PRPF8: variants seen among roughly 807,000 people sequenced by gnomAD.
PRPF8 encodes the protein pre-mRNA-processing-splicing factor 8.
Under a neutral mutation model 285.9 loss-of-function variants are expected in PRPF8, and 64 were observed. That is an observed-to-expected ratio of 0.22 (90% CI 0.18 to 0.28). The LOEUF is 0.28. Ranked by LOEUF, PRPF8 falls within the 10% of genes least tolerant of loss-of-function variation. PRPF8 has a pLI of 1.00. For synonymous variants in PRPF8, 1,325 were observed against 1,118.2 expected (o/e 1.18, Z -3.69); for missense variants, 1,426 against 3,026.7 (o/e 0.47, Z 12.41).
At chr17:1,670,011 T>C (rs1912217155) in intron 24 of PRPF8, among the ~76,000 whole-genome samples, 2 of 152,182 alleles carry the variant, frequency 1.3e-5, no homozygotes, top group South Asian at 2.1e-4. Context: ...CTCTAAGCTA[T>C]CCCTGACTGC....
Position 1,661,166 on chromosome 17 carries a change from G to A in PRPF8, c.4339-4C>T. On this transcript the variant is annotated splice_polypyrimidine_tract_variant and splice_region_variant and intron_variant, in intron 27 of 42. Transcript: ENST00000304992. This position sits in a 1 kb window ranked among gnomAD's most constrained non-coding sequence, Gnocchi z 7.3. The stretch of plus-strand genomic sequence containing the variant: ...AGAACGGATTCTGCTTCAAAACCTA[G>A]ATGGCAAGGCAGGCACGGTCAAGCT... The A allele has an allele frequency of 1.2e-6, 2 of 1,614,104 alleles. No individual in the cohort carries two copies. Among genetic ancestry groups the A allele is most frequent in the Non-Finnish European group, 1.7e-6 (2 of 1,180,036 alleles).
intron 13 of PRPF8, 133 bp from the exon 14 acceptor site, chr17:1,677,827 A>T: frequency 8.4e-7 from 1 of 1,186,022 alleles, no homozygotes; most frequent in Non-Finnish European, 1.2e-6. Flanking sequence ...AGAGGGGTAA[A>T]AAGAAAAAAA....
rs1201127872 is a variant in PRPF8 at position 1,676,904 on chromosome 17, A to T, written c.2181+72T>A. The T allele has an allele frequency of 7.0e-6, 11 of 1,571,834 alleles. No homozygotes were observed. The South Asian group carries it at 7.8e-5, about 11-fold the overall frequency. On this transcript the variant is annotated intron_variant, in intron 15 of 42. Coordinates refer to ENST00000304992, the MANE Select transcript of PRPF8 (RefSeq NM_006445.4). This position sits in a 1 kb window ranked among gnomAD's most constrained non-coding sequence, Gnocchi z 6.3. ...GAGATTGGAGCCAGATAGCCCCCTA[A>T]TGATTCCCGAAGTGGTAATCCTACC...
Position 1,675,468 on chromosome 17 carries a change from C to A in PRPF8, c.2873-129G>T. ...CACGTATTCATTTGGATTGCTTTGA[C>A]TATGGGCTTTTCCTCAGTTTAACAC... On this transcript the variant is annotated intron_variant, in intron 19 of 42. Coordinates refer to ENST00000304992, the MANE Select transcript of PRPF8 (RefSeq NM_006445.4). The surrounding 1 kb of genome is among the most constrained non-coding windows in gnomAD (Gnocchi z 6.0). The A allele has an allele frequency of 6.9e-7, 1 of 1,452,554 alleles. No homozygotes were observed. Among genetic ancestry groups the A allele is most frequent in the South Asian group, 1.1e-5 (1 of 87,744 alleles). The allele number at this position is 1,452,554 out of a possible 1,614,324, so 90.0% of individuals were successfully genotyped here.
In PRPF8 at chr17:1,679,929, G is replaced by T; in HGVS notation, c.1099-130C>A. On this transcript the variant is annotated intron_variant, in intron 8 of 42. Coordinates refer to ENST00000304992, the MANE Select transcript of PRPF8 (RefSeq NM_006445.4). This position sits in a 1 kb window ranked among gnomAD's most constrained non-coding sequence, Gnocchi z 4.7. ...GAAACTGGGCTGTCTGACAAAAGCAGCCCTGAAGTGCCAGCACAAAGGAAA... is the reference window on the plus strand; with the variant it reads ...GAAACTGGGCTGTCTGACAAAAGCATCCCTGAAGTGCCAGCACAAAGGAAA... 9.4e-7 allele frequency: 1 copy of T among 1,060,212 alleles called. No homozygotes were observed. Among genetic ancestry groups the T allele is most frequent in the Non-Finnish European group, 1.5e-6 (1 of 685,554 alleles). The allele number at this position is 1,060,212 out of a possible 1,614,324, so 65.7% of individuals were successfully genotyped here. A position where few individuals can be genotyped will look rare whatever the true frequency, so the allele number is the denominator to read the frequency against.
chr17:1,673,632 G>A lies in PRPF8; in HGVS notation c.3447-65C>T, dbSNP rs1397984142. ...AGGAACTTCCCTTCAAAGGCCAACT[G>A]ATGACATCCTGACACAGCCACGCCT... On this transcript the variant is annotated intron_variant, in intron 22 of 42. Coordinates refer to ENST00000304992, the MANE Select transcript of PRPF8 (RefSeq NM_006445.4). The surrounding 1 kb of genome is among the most constrained non-coding windows in gnomAD (Gnocchi z 5.5). 2 of 1,611,470 alleles carry A rather than the reference G, an allele frequency of 1.2e-6. No homozygotes were observed. The highest frequency in any genetic ancestry group is 2.7e-5 in the African/African-American group (2 of 74,904).
chr17:1,656,333 C>A, intron 36 of PRPF8, 59 bp downstream of exon 36: 2 of 1,606,316 alleles, frequency 1.2e-6, no homozygotes, highest in East Asian at 4.5e-5. Flanking sequence ...GACACAGGAT[C>A]TTCTCCTAAC....
Position 1,653,426 on chromosome 17 carries a change from T to C in PRPF8, c.6369+116A>G. On this transcript the variant is annotated intron_variant, in intron 39 of 42. Transcript: ENST00000304992. This position sits in a 1 kb window ranked among gnomAD's most constrained non-coding sequence, Gnocchi z 4.9. ...GTTGTTTTGGCTATCCTTGTATAATTACTCATCCATGAATCTTGAAACCAG... is the reference window on the plus strand; with the variant it reads ...GTTGTTTTGGCTATCCTTGTATAATCACTCATCCATGAATCTTGAAACCAG... 3 of 1,421,152 alleles carry C rather than the reference T, an allele frequency of 2.1e-6. No individual in the cohort carries two copies. The highest frequency in any genetic ancestry group is 1.4e-5 in the African/African-American group (1 of 71,204). The allele number at this position is 1,421,152 out of a possible 1,614,324, so 88.0% of individuals were successfully genotyped here.
Position 1,656,202 on chromosome 17 carries a change from C to T in PRPF8, c.5793+190G>A, listed in dbSNP as rs137978631. Among the ~76,000 whole-genome samples, 785 of 152,278 alleles carry T rather than the reference C, an allele frequency of 5.2e-3. 8 individuals carry two copies. Among genetic ancestry groups the T allele is most frequent in the African/African-American group, 0.018 (737 of 41,546 alleles). ...CCTCCCAAAGTGCTGGGATTACGGG[C>T]GTGAGCCACCACGCCCGGCCCCAAG... On this transcript the variant is annotated intron_variant, in intron 36 of 42. Coordinates refer to ENST00000304992, the MANE Select transcript of PRPF8 (RefSeq NM_006445.4).
intron 34 of PRPF8, among the ~76,000 whole-genome samples, chr17:1,657,552 A>G (rs992753820): frequency 1.0e-4 from 15 of 150,084 alleles, no homozygotes; most frequent in African/African-American, 3.7e-4. Flanking sequence ...AGGCTGAGGC[A>G]GGAGAATGGC....
At chr17:1,672,273 CTTTT>C (rs1338921951) in intron 24 of PRPF8, among the ~76,000 whole-genome samples, 1 of 152,046 alleles carries the variant, frequency 6.6e-6, no homozygotes, top group Admixed American at 6.6e-5. Flanking sequence ...AGTAAGGTAA[CTTTT>C]TTTTGTTTGT....
chr17:1,654,217 C>T (rs1911229732), intron 37 of PRPF8: 2 of 735,512 alleles, frequency 2.7e-6, no homozygotes, highest in South Asian at 1.6e-5. Flanking sequence ...GGACAGCACA[C>T]TGCGTGTGCA....
chr17:1,683,480 G>A, intron 3 of PRPF8, 53 bp downstream of exon 3: 1 of 1,589,986 alleles, frequency 6.3e-7, no homozygotes, highest in Non-Finnish European at 8.6e-7. Flanking sequence ...GTGGGACAGG[G>A]AGAAGGGAAA....
intron 36 of PRPF8, among the ~76,000 whole-genome samples, chr17:1,655,783 C>T (rs755107794): frequency 3.3e-5 from 5 of 151,984 alleles, no homozygotes; most frequent in African/African-American, 7.3e-5. Context: ...CCTGCCACCA[C>T]GCCCGGCTAA....
chr17:1,661,487 G>A lies in PRPF8; in HGVS notation c.4203-81C>T. On this transcript the variant is annotated intron_variant, in intron 26 of 42. Coordinates refer to ENST00000304992, the MANE Select transcript of PRPF8 (RefSeq NM_006445.4). This position sits in a 1 kb window ranked among gnomAD's most constrained non-coding sequence, Gnocchi z 7.3. ...ACTCCTTCCTGGCCAAAAATAATTA[G>A]GGTCAGTAGAACCAGCCTTCTCACC... 6.2e-7 allele frequency: 1 copy of A among 1,610,290 alleles called. No individual in the cohort carries two copies. Among genetic ancestry groups the A allele is most frequent in the Non-Finnish European group, 8.5e-7 (1 of 1,178,250 alleles).
chr17:1,675,403 G>A lies in PRPF8; in HGVS notation c.2873-64C>T. The A allele has an allele frequency of 6.4e-7, 1 of 1,571,874 alleles. No homozygotes were observed. The highest frequency in any genetic ancestry group is 1.7e-5 in the Admixed American group (1 of 59,772). ...TCCTCTTGCAAGACTAGCCCCACAG[G>A]AACTATCATTACCTTCCATAACCAA... On this transcript the variant is annotated intron_variant, in intron 19 of 42. Coordinates refer to ENST00000304992, the MANE Select transcript of PRPF8 (RefSeq NM_006445.4). This position sits in a 1 kb window ranked among gnomAD's most constrained non-coding sequence, Gnocchi z 6.0.
At position 1,650,960 on chromosome 17, in the gene PRPF8, C is replaced by G. The variant is rs75996323; in HGVS notation, c.6854-4G>C. The G allele has an allele frequency of 3.4e-5, 55 of 1,614,040 alleles. No homozygotes were observed. ...ATGTTGGGGTCATGCCGAACACCTT[C>G]GGGGAGAAGGAAACAGCCAATGTTA... On this transcript the variant is annotated splice_region_variant and splice_polypyrimidine_tract_variant and intron_variant, in intron 42 of 42. Coordinates refer to ENST00000304992, the MANE Select transcript of PRPF8 (RefSeq NM_006445.4).
chr17:1,660,062 G>A, intron 30 of PRPF8, 61 bp from the exon 31 acceptor site: 1 of 1,563,672 alleles, frequency 6.4e-7, no homozygotes, highest in Non-Finnish European at 8.8e-7. Flanking sequence ...ATCAGAGTTT[G>A]TACAATAAGA....
Position 1,651,616 on chromosome 17 carries a change from C to A in PRPF8, c.6510+32G>T. Reference sequence around the variant, plus strand: ...ACAGACAGGAATCGCACCAGCTTTTCCACACTCCCAGGCTCCATCACTCCC... The same window carrying A: ...ACAGACAGGAATCGCACCAGCTTTTACACACTCCCAGGCTCCATCACTCCC... On this transcript the variant is annotated intron_variant, in intron 40 of 42. Transcript: ENST00000304992. This position sits in a 1 kb window ranked among gnomAD's most constrained non-coding sequence, Gnocchi z 5.1. 6.2e-7 allele frequency: 1 copy of A among 1,614,122 alleles called. No individual in the cohort carries two copies. Among genetic ancestry groups the A allele is most frequent in the Non-Finnish European group, 8.5e-7 (1 of 1,180,028 alleles).
Sources: gnomAD v4.1 joint callset for allele counts (sites outside exome capture counted in the v4.1 genomes callset) on GRCh38, gnomAD v4.1.1 for gene constraint, Gnocchi (gnomAD v3.1) non-coding constraint, MANE v1.5 for transcripts, NCBI Gene and HGNC (gene_info 2026-07-23, HGNC 2026-07-21) for gene names.